Variants in LRRC4C observed in about 807,000 individuals in gnomAD.
LRRC4C encodes leucine-rich repeat-containing protein 4C.
In LRRC4C, 5 loss-of-function variants were observed where a neutral mutation model predicts 33.6. The observed-to-expected ratio is 0.15, with a 90% CI of 0.08 to 0.31. The LOEUF (loss-of-function observed/expected upper bound fraction) is 0.31, where lower values mean the gene tolerates loss of function less well. Ranked by LOEUF, LRRC4C falls within the 10% of genes least tolerant of loss-of-function variation. The pLI is 1.00. For missense variants in LRRC4C, 560 were observed against 796.7 expected (o/e 0.70, Z 3.58); for synonymous variants, 329 against 302.0 (o/e 1.09, Z -0.93).
chr11:40,692,298 G>C (rs1011969700), intron 2 of LRRC4C, among the ~76,000 whole-genome samples: 5 of 151,800 alleles, frequency 3.3e-5, no homozygotes, highest in Admixed American at 1.3e-4. Flanking sequence ...GGGGTGAGGT[G>C]GGGGGGATGG....
At position 41,387,539 on chromosome 11, in the gene LRRC4C, GA is replaced by G. The variant is rs553271432; in HGVS notation, c.-496+71891del. 1.2e-3 allele frequency among the ~76,000 whole-genome samples: 180 copies of G among 151,768 alleles called. 1 individual carries two copies. The highest frequency in any genetic ancestry group is 4.2e-3 in the African/African-American group (173 of 41,488). On this transcript the variant is annotated intron_variant, in intron 1 of 6. Coordinates refer to ENST00000528697, the MANE Select transcript of LRRC4C (RefSeq NM_001258419.2). ...GATGGTTATTTATATCAAAGATATG[GA>G]AAAAAATACAGAGTATTTTTTGAGG... is the stretch of plus-strand genomic sequence containing the variant.
intron 2 of LRRC4C, among the ~76,000 whole-genome samples, chr11:40,699,439 A>G (rs1343473711): frequency 6.6e-6 from 1 of 152,138 alleles, no homozygotes; most frequent in Non-Finnish European, 1.5e-5. Context: ...ATCATGTCTA[A>G]CATGTTTATT....
At chr11:41,297,369 G>A (rs895356191) in intron 1 of LRRC4C, among the ~76,000 whole-genome samples, 23 of 152,172 alleles carry the variant, frequency 1.5e-4, no homozygotes, top group Non-Finnish European at 2.6e-4. Context: ...TCTTTGTCTG[G>A]TTTAGGTATC....
At position 40,181,860 on chromosome 11, in the gene LRRC4C, C is replaced by G. The variant is rs58157304; in HGVS notation, c.-95-41007G>C. Among the ~76,000 whole-genome samples the G allele has an allele frequency of 5.5e-3, 839 of 152,270 alleles. 4 individuals are homozygous for G. The highest frequency in any genetic ancestry group is 0.019 in the African/African-American group (793 of 41,558). ...GCTGGTCACCCAAGCACAGCTTACC[C>G]CGGGACTCAGAGTCTGCTCTTCCCT... On this transcript the variant is annotated intron_variant, in intron 5 of 6. Transcript: ENST00000528697.
At chr11:40,415,479 G>T (rs896163400) in intron 3 of LRRC4C, among the ~76,000 whole-genome samples, 1 of 152,122 alleles carries the variant, frequency 6.6e-6, no homozygotes, top group African/African-American at 2.4e-5. Flanking sequence ...CAGCAGACCT[G>T]CAATATGTGA....
chr11:41,383,059 A>G (rs995545871), intron 1 of LRRC4C, among the ~76,000 whole-genome samples: 1 of 152,098 alleles, frequency 6.6e-6, no homozygotes, highest in African/African-American at 2.4e-5. Context: ...ATGTGACTCT[A>G]TATCAAAAGG....
intron 1 of LRRC4C, among the ~76,000 whole-genome samples, chr11:40,935,874 T>C (rs1244967261): frequency 6.6e-6 from 1 of 151,128 alleles, no homozygotes; most frequent in Non-Finnish European, 1.5e-5. Context: ...TGATGTAACT[T>C]CATTCTGAGT....
chr11:40,228,915 G>A (rs1865000421), intron 5 of LRRC4C, among the ~76,000 whole-genome samples: 1 of 152,194 alleles, frequency 6.6e-6, no homozygotes. Context: ...AAGGACCAAT[G>A]AATATGTATA....
chr11:40,821,267 A>C (rs1049467429), intron 2 of LRRC4C, among the ~76,000 whole-genome samples: 1 of 151,716 alleles, frequency 6.6e-6, no homozygotes, highest in Non-Finnish European at 1.5e-5. Context: ...ATTCCCATGC[A>C]CTATTTTTTG....
intron 3 of LRRC4C, among the ~76,000 whole-genome samples, chr11:40,337,441 A>G (rs925467734): frequency 2.0e-5 from 3 of 152,194 alleles, no homozygotes; most frequent in African/African-American, 7.2e-5. Context: ...TAGCTTTGAA[A>G]ACAACACAAT....
chr11:40,545,515 A>G (rs111363008), intron 3 of LRRC4C, among the ~76,000 whole-genome samples: 5 of 152,132 alleles, frequency 3.3e-5, no homozygotes, highest in African/African-American at 1.2e-4. Flanking sequence ...AAGGGAAAGT[A>G]TAGGTTAAGG....
chr11:41,125,760 A>G (rs1325167041), intron 1 of LRRC4C, among the ~76,000 whole-genome samples: 1 of 152,208 alleles, frequency 6.6e-6, no homozygotes, highest in Non-Finnish European at 1.5e-5. Flanking sequence ...CAGCAAGGAC[A>G]TTCTTTGTTG....
chr11:41,300,531 T>C (rs1392419736), intron 1 of LRRC4C, among the ~76,000 whole-genome samples: 2 of 152,204 alleles, frequency 1.3e-5, no homozygotes, highest in African/African-American at 4.8e-5. Flanking sequence ...TCTTCAATGA[T>C]GTGGGAATGT....
intron 1 of LRRC4C, among the ~76,000 whole-genome samples, chr11:40,964,373 T>C (rs1196655033): frequency 6.6e-6 from 1 of 151,804 alleles, no homozygotes; most frequent in African/African-American, 2.4e-5. Context: ...TTTTTTTTAA[T>C]TTTATTGTTA....
At chr11:40,584,288 C>T (rs1325761994) in intron 3 of LRRC4C, among the ~76,000 whole-genome samples, 1 of 148,212 alleles carries the variant, frequency 6.7e-6, no homozygotes, top group African/African-American at 2.5e-5. Context: ...CCTCTATCAT[C>T]CAGATGCCAG....
chr11:40,566,086 G>GTTTTTTTTTT, intron 3 of LRRC4C, among the ~76,000 whole-genome samples: 21 of 62,752 alleles, frequency 3.3e-4, no homozygotes, highest in East Asian at 1.3e-3. Flanking sequence ...TTTTTACTAA[G>GTTTTTTTTTT]TTTTTTTTTT....
At chr11:41,381,626 CAA>C (rs71931237) in intron 1 of LRRC4C, among the ~76,000 whole-genome samples, 1 of 133,770 alleles carries the variant, frequency 7.5e-6, no homozygotes, top group Non-Finnish European at 1.6e-5. Context: ...GACTCTGCTT[CAA>C]AAAAAAAAAA....
intron 5 of LRRC4C, among the ~76,000 whole-genome samples, chr11:40,181,963 A>G (rs750439669): frequency 5.3e-5 from 8 of 152,090 alleles, no homozygotes; most frequent in Non-Finnish European, 1.0e-4. Flanking sequence ...TGATTCAAAT[A>G]TTTATTAATG....
intron 1 of LRRC4C, among the ~76,000 whole-genome samples, chr11:41,092,016 T>C (rs572068120): frequency 6.6e-6 from 1 of 152,250 alleles, no homozygotes. Context: ...AATATAATTA[T>C]AGTAGAAGCC....
Sources: gnomAD v4.1 joint callset for allele counts (sites outside exome capture counted in the v4.1 genomes callset) on GRCh38, gnomAD v4.1.1 for gene constraint, MANE v1.5 for transcripts, NCBI Gene and HGNC (gene_info 2026-07-23, HGNC 2026-07-21) for gene names.